DZANK1: variants seen among roughly 807,000 people sequenced by gnomAD.
DZANK1 encodes the protein double zinc ribbon and ankyrin repeat domains 1, also known as double zinc ribbon and ankyrin repeat-containing protein 1.
Under a neutral mutation model 94.5 loss-of-function variants are expected in DZANK1, and 91 were observed. The ratio of observed to expected loss-of-function variants is 0.96; its 90% CI spans 0.81 to 1.15. The LOEUF is 1.15. Among genes scored for constraint, DZANK1 ranks in the 50% most tolerant of loss-of-function variants. The pLI is 0.00. For synonymous variants in DZANK1, 312 were observed against 325.3 expected, an observed-to-expected ratio of 0.96 and a Z score of 0.44; for missense variants, 903 against 916.4, an observed-to-expected ratio of 0.99 and a Z score of 0.19.
At position 18,449,068 on chromosome 20, in the gene DZANK1, G is replaced by T. The variant is rs753828463; in HGVS notation, c.545C>A (p.Ser182Tyr). 55 of 1,613,052 alleles carry T rather than the reference G, an allele frequency of 3.4e-5. No homozygotes were observed. The Admixed American group carries it at 7.2e-4, about 21-fold the overall frequency. ...ACCGCTTACGTGTGCAAAACCGGGGGACTAAAATTAAGAATATAGGTATAA... is the reference window on the plus strand; with the variant it reads ...ACCGCTTACGTGTGCAAAACCGGGGTACTAAAATTAAGAATATAGGTATAA... The change falls in exon 7 of 21, where the codon TCC (serine) becomes TAC (tyrosine). Residue 182 changes from serine (S) to tyrosine (Y), a missense_variant and splice_region_variant. Physicochemically the swap from Ser to Tyr is moderately radical, Grantham distance 144 (BLOSUM62 -2). Coordinates refer to ENST00000262547, the Ensembl canonical transcript of DZANK1.
At chr20:18,458,828 A>G (rs1468208388) in intron 3 of DZANK1, among the ~76,000 whole-genome samples, 1 of 152,180 alleles carries the variant, frequency 6.6e-6, no homozygotes, top group African/African-American at 2.4e-5. Context: ...CCTAAGATCC[A>G]GGTTGTTTCC....
At chr20:18,384,162 C>A in exon 21 of DZANK1, 1 of 314,374 alleles carries the variant, frequency 3.2e-6, no homozygotes. Context: ...CGGGTTCAAG[C>A]GATTTTCCTG....
rs117997559 is a variant in DZANK1 at position 18,393,947 on chromosome 20, C to T, written c.1709-136G>A. 0.015 allele frequency: 10,050 copies of T among 667,682 alleles called. 115 individuals are homozygous for T. Among genetic ancestry groups the T allele is most frequent in the Non-Finnish European group, 0.019 (7,403 of 396,298 alleles). 41.4% of individuals were successfully genotyped at this position (667,682 alleles called of 1,614,324 possible). A position where few individuals can be genotyped will look rare whatever the true frequency, so the allele number is the denominator to read the frequency against. On this transcript the variant is annotated intron_variant, in intron 16 of 20. Transcript: ENST00000262547. ...ATAGAAATTTCTATTTGATTAAACC[C>T]GGCAGGAGAGACTCCTGGAGCCACT...
intron 6 of DZANK1, among the ~76,000 whole-genome samples, chr20:18,450,963 T>C (rs1004246626): frequency 6.6e-6 from 1 of 152,240 alleles, no homozygotes; most frequent in Non-Finnish European, 1.5e-5. Flanking sequence ...TTTTCATTTT[T>C]GAGATAGAGT....
At chr20:18,427,704 A>G (rs559235524) in intron 9 of DZANK1, among the ~76,000 whole-genome samples, 12 of 152,030 alleles carry the variant, frequency 7.9e-5, no homozygotes, top group Non-Finnish European at 1.8e-4. Flanking sequence ...AGTAAACAGA[A>G]AGACCCTAGA....
At chr20:18,460,396 G>A in intron 2 of DZANK1, 90 bp from the exon 3 acceptor site, 1 of 954,830 alleles carries the variant, frequency 1.0e-6, no homozygotes, top group Non-Finnish European at 1.5e-6. Context: ...ATCTAAGTGT[G>A]TGATTTAAGA....
At chr20:18,416,950 A>C (rs2057518756) in intron 10 of DZANK1, among the ~76,000 whole-genome samples, 1 of 152,034 alleles carries the variant, frequency 6.6e-6, no homozygotes, top group Non-Finnish European at 1.5e-5. Flanking sequence ...CTGACTGTTC[A>C]AGTGGCTTTT....
Position 18,465,394 on chromosome 20 carries a change from A to G in DZANK1, c.-19-17T>C, listed in dbSNP as rs774993251. 9.8e-6 allele frequency: 11 copies of G among 1,118,356 alleles called. No homozygotes were observed. The highest frequency in any genetic ancestry group is 1.3e-5 in the Non-Finnish European group (11 of 859,380). 69.3% of individuals were successfully genotyped at this position (1,118,356 alleles called of 1,614,324 possible). ...TCTCTCTCTCTCTATATATATATAC[A>G]TATAAATTCCAATGTACACAAAAGC... is the stretch of plus-strand genomic sequence containing the variant. On this transcript the variant is annotated splice_polypyrimidine_tract_variant and intron_variant, in intron 1 of 20. Transcript: ENST00000262547.
intron 10 of DZANK1, among the ~76,000 whole-genome samples, chr20:18,426,761 T>C (rs936354642): frequency 3.3e-5 from 5 of 152,190 alleles, no homozygotes; most frequent in Non-Finnish European, 7.4e-5. Context: ...AAGACATACC[T>C]GTCTGTAAAT....
In DZANK1 at chr20:18,398,728, T is replaced by C. The variant is rs938982495; in HGVS notation, c.1433-102A>G. 10 of 1,149,100 alleles carry C rather than the reference T, an allele frequency of 8.7e-6. No homozygotes were observed. In the African/African-American group the frequency reaches 1.5e-4, roughly 18 times the overall value. The allele number at this position is 1,149,100 out of a possible 1,614,324, so 71.2% of individuals were successfully genotyped here. A position where few individuals can be genotyped will look rare whatever the true frequency, so the allele number is the denominator to read the frequency against. ...TGTTCTTAGAGAGGTTAATTTCCTT[T>C]GTCAAACTTTGTGATGGACTTTCCT... On this transcript the variant is annotated intron_variant, in intron 13 of 20. Transcript: ENST00000262547.
chr20:18,459,750 C>G (rs1321469195), intron 3 of DZANK1, among the ~76,000 whole-genome samples: 1 of 152,030 alleles, frequency 6.6e-6, no homozygotes, highest in South Asian at 2.1e-4. Flanking sequence ...CGATACAAAA[C>G]GAAATCGAGA....
chr20:18,437,846 T>C (rs1156625849), intron 8 of DZANK1, among the ~76,000 whole-genome samples: 1 of 152,126 alleles, frequency 6.6e-6, no homozygotes, highest in African/African-American at 2.4e-5. Flanking sequence ...TTGTAATCTC[T>C]AGAGCTTAAG....
intron 7 of DZANK1, among the ~76,000 whole-genome samples, chr20:18,444,597 C>G (rs1288706252): frequency 6.6e-6 from 1 of 152,148 alleles, no homozygotes; most frequent in Non-Finnish European, 1.5e-5. Flanking sequence ...AAACAGTCTT[C>G]AGGATTCACA....
At chr20:18,463,510 CA>C (rs11326493) in intron 2 of DZANK1, among the ~76,000 whole-genome samples, 96,158 of 151,782 alleles carry the variant, frequency 0.63, 31,159 homozygotes, top group East Asian at 0.86. Context: ...AAAGAAAAAA[CA>C]AAAAAAAGGT....
At chr20:18,414,852 G>A (rs1246326682) in intron 11 of DZANK1, among the ~76,000 whole-genome samples, 1 of 152,138 alleles carries the variant, frequency 6.6e-6, no homozygotes, top group African/African-American at 2.4e-5. Context: ...AAAATAATTG[G>A]GTCAGTGTTC....
chr20:18,399,009 G>A (rs988635640), intron 13 of DZANK1, among the ~76,000 whole-genome samples: 11 of 151,696 alleles, frequency 7.3e-5, no homozygotes, highest in East Asian at 3.9e-4. Flanking sequence ...GCGTGCACCT[G>A]TAGTCCCAGC....
intron 3 of DZANK1, among the ~76,000 whole-genome samples, chr20:18,457,128 T>C (rs1026197957): frequency 6.6e-6 from 1 of 152,166 alleles, no homozygotes; most frequent in Non-Finnish European, 1.5e-5. Flanking sequence ...TTGATACTTG[T>C]CCCTTGTCTA....
At chr20:18,451,337 G>C (rs1601127892) in intron 6 of DZANK1, among the ~76,000 whole-genome samples, 1 of 152,270 alleles carries the variant, frequency 6.6e-6, no homozygotes, top group East Asian at 1.9e-4. Flanking sequence ...AGAACCTTCA[G>C]TAACATATGA....
Position 18,419,941 on chromosome 20 carries a change from C to G in DZANK1, c.955-4492G>C, listed in dbSNP as rs143696325. Among the ~76,000 whole-genome samples, 337 of 151,356 alleles carry G rather than the reference C, an allele frequency of 2.2e-3. 1 individual carries two copies. The highest frequency in any genetic ancestry group is 3.9e-3 in the Non-Finnish European group (262 of 67,888). On this transcript the variant is annotated intron_variant, in intron 10 of 20. Transcript: ENST00000262547. Reference sequence around the variant, plus strand: ...TTTTTGGTTTTTTCCTCTTAATTCCCTTACAAGCCCTTATAATTGTTTAAA... The same window carrying G: ...TTTTTGGTTTTTTCCTCTTAATTCCGTTACAAGCCCTTATAATTGTTTAAA...
Sources: gnomAD v4.1 joint callset for allele counts (sites outside exome capture counted in the v4.1 genomes callset) on GRCh38, gnomAD v4.1.1 for gene constraint, MANE v1.5 for transcripts, NCBI Gene and HGNC (gene_info 2026-07-23, HGNC 2026-07-21) for gene names.